Variants in CNTN1 observed in about 807,000 individuals in gnomAD.
The protein encoded by CNTN1 is contactin-1.
A neutral mutation model predicts 126.4 loss-of-function variants in CNTN1; 38 were observed. That is an observed-to-expected ratio of 0.30 (90% CI 0.23 to 0.39). CNTN1 has a LOEUF of 0.39. Among genes scored for constraint, CNTN1 ranks in the 10% least tolerant of loss-of-function variants. The pLI, the probability that CNTN1 is intolerant of heterozygous loss-of-function variation, is 1.00. For missense variants in CNTN1, 1,009 were observed against 1,248.4 expected (o/e 0.81, Z 2.89); for synonymous variants, 413 against 422.6 (o/e 0.98, Z 0.28).
chr12:41,012,993 G>A (rs1948698267), intron 17 of CNTN1, among the ~76,000 whole-genome samples: 1 of 152,134 alleles, frequency 6.6e-6, no homozygotes, highest in Non-Finnish European at 1.5e-5. Context: ...CAGAAGAGAA[G>A]TGAAAGAGAA....
chr12:40,748,008 G>C (rs1018250082), intron 1 of CNTN1, among the ~76,000 whole-genome samples: 3 of 152,126 alleles, frequency 2.0e-5, no homozygotes, highest in Non-Finnish European at 4.4e-5. Context: ...AAAATACGAA[G>C]TTCAGAAGTT....
chr12:40,692,932 C>T (rs1565606728), intron 1 of CNTN1, among the ~76,000 whole-genome samples: 1 of 152,154 alleles, frequency 6.6e-6, no homozygotes, highest in Non-Finnish European at 1.5e-5. Context: ...CATATCGCCT[C>T]GGCAGGGGAG....
At chr12:41,011,519 T>C (rs1344636952) in intron 17 of CNTN1, among the ~76,000 whole-genome samples, 1 of 152,228 alleles carries the variant, frequency 6.6e-6, no homozygotes, top group Non-Finnish European at 1.5e-5. Context: ...TTGTTTTCTC[T>C]CCATGGTTCC....
rs74076917 is a variant in CNTN1 at position 40,972,395 on chromosome 12, T to A, written c.1805-8514T>A. On this transcript the variant is annotated intron_variant, in intron 15 of 23. Transcript: ENST00000551295. ...TTGGTCAAAGAGATGTGCTTAAAAT[T>A]CTTATTCCTTCACAATAAATAATTT... 7.5e-4 allele frequency: 743 copies of A among 984,150 alleles called. 3 individuals are homozygous for A. In the African/African-American group the frequency reaches 0.013, roughly 17 times the overall value. The allele number at this position is 984,150 out of a possible 1,614,324, so 61.0% of individuals were successfully genotyped here. A position where few individuals can be genotyped will look rare whatever the true frequency, so the allele number is the denominator to read the frequency against.
intron 1 of CNTN1, among the ~76,000 whole-genome samples, chr12:40,696,709 C>A (rs1458410564): frequency 6.6e-6 from 1 of 151,940 alleles, no homozygotes; most frequent in Non-Finnish European, 1.5e-5. Context: ...ATATGAATGA[C>A]CAACTGTGTA....
chr12:40,897,757 C>T (rs1013993476), intron 1 of CNTN1, among the ~76,000 whole-genome samples: 5 of 152,166 alleles, frequency 3.3e-5, no homozygotes, highest in South Asian at 4.1e-4. Flanking sequence ...AAGGTAGCCC[C>T]GTAATTTCCC....
intron 1 of CNTN1, among the ~76,000 whole-genome samples, chr12:40,860,964 T>G (rs1943098271): frequency 1.3e-5 from 2 of 152,120 alleles, no homozygotes; most frequent in South Asian, 4.1e-4. Context: ...TTCCATCATC[T>G]TTAACACTCA....
intron 1 of CNTN1, among the ~76,000 whole-genome samples, chr12:40,750,293 G>A (rs1306891032): frequency 6.6e-6 from 1 of 152,042 alleles, no homozygotes; most frequent in Non-Finnish European, 1.5e-5. Context: ...GGCAGGAGGG[G>A]AATATTCTGG....
intron 23 of CNTN1, among the ~76,000 whole-genome samples, chr12:41,067,074 A>T (rs1174578049): frequency 6.6e-6 from 1 of 152,222 alleles, no homozygotes; most frequent in Non-Finnish European, 1.5e-5. Context: ...ATATATATTG[A>T]AAAACTCCTC....
In CNTN1 at chr12:40,821,216, A is replaced by G. The variant is rs75200451; in HGVS notation, c.-76-87141A>G. On this transcript the variant is annotated intron_variant, in intron 1 of 23. Transcript: ENST00000551295. The stretch of plus-strand genomic sequence containing the variant: ...TGTGTTACTAGAGAAGCTAAGTAGG[A>G]TGTAATTTTAAAAGCTCTTCCTTAA... Among the ~76,000 whole-genome samples the G allele has an allele frequency of 9.0e-3, 1,364 of 152,316 alleles. 19 individuals are homozygous for G. Among genetic ancestry groups the G allele is most frequent in the African/African-American group, 0.031 (1,295 of 41,568 alleles).
chr12:40,830,832 T>TAC (rs1555165567), intron 1 of CNTN1, among the ~76,000 whole-genome samples: 4,279 of 88,444 alleles, frequency 0.048, 212 homozygotes, highest in Non-Finnish European at 0.062. Context: ...TATATATATA[T>TAC]ATACTCTTTA....
At chr12:40,802,079 A>T (rs1446232697) in intron 1 of CNTN1, among the ~76,000 whole-genome samples, 1 of 151,962 alleles carries the variant, frequency 6.6e-6, no homozygotes, top group African/African-American at 2.4e-5. Flanking sequence ...CTAGAAAAGG[A>T]AGAACTGAAG....
intron 1 of CNTN1, among the ~76,000 whole-genome samples, chr12:40,809,814 T>TCG (rs1422228531): frequency 6.8e-6 from 1 of 146,744 alleles, no homozygotes. Flanking sequence ...AGACTCTGTC[T>TCG]CACACACACA....
chr12:40,901,013 A>T (rs1252836656), intron 1 of CNTN1, among the ~76,000 whole-genome samples: 1 of 152,206 alleles, frequency 6.6e-6, no homozygotes, highest in African/African-American at 2.4e-5. Context: ...TGACACAGTA[A>T]CCTCAGATAC....
Position 41,053,428 on chromosome 12 carries a change from A to AATATATATATATATATATATAT in CNTN1, c.2981-16512_2981-16491dup, listed in dbSNP as rs66808071. ...TTTTGTCTCTTTCATGTTTTCACTA[A>AATATATATATATATATATATAT]ATATATATATATATATATATATATA... On this transcript the variant is annotated intron_variant, in intron 23 of 23. Transcript: ENST00000551295. Among the ~76,000 whole-genome samples, 55 of 64,102 alleles carry AATATATATATATATATATATAT rather than the reference A, an allele frequency of 8.6e-4. 1 individual carries two copies. Among genetic ancestry groups the AATATATATATATATATATATAT allele is most frequent in the African/African-American group, 1.3e-3 (17 of 13,266 alleles). The allele number at this position is 64,102 out of a possible 152,430, so 42.1% of individuals were successfully genotyped here.
chr12:40,742,379 A>T (rs867600121), intron 1 of CNTN1: 1 of 152,106 alleles, frequency 6.6e-6, no homozygotes. Context: ...CGAAAAGGGA[A>T]GGAGGAAAAT....
intron 1 of CNTN1, among the ~76,000 whole-genome samples, chr12:40,907,813 T>C (rs769260195): frequency 1.3e-5 from 2 of 152,180 alleles, no homozygotes; most frequent in Non-Finnish European, 2.9e-5. Flanking sequence ...ATTGTAACAT[T>C]TAAAATTAGC....
intron 4 of CNTN1, among the ~76,000 whole-genome samples, chr12:40,920,731 C>G (rs1196028744): frequency 6.6e-6 from 1 of 152,110 alleles, no homozygotes; most frequent in Non-Finnish European, 1.5e-5. Flanking sequence ...TACTTTACTT[C>G]TGACTTATAA....
chr12:40,898,705 T>A (rs1944499983), intron 1 of CNTN1, among the ~76,000 whole-genome samples: 1 of 152,202 alleles, frequency 6.6e-6, no homozygotes, highest in South Asian at 2.1e-4. Flanking sequence ...GGACTGTACC[T>A]TCCATGTTGA....
Sources: gnomAD v4.1 joint callset for allele counts (sites outside exome capture counted in the v4.1 genomes callset) on GRCh38, gnomAD v4.1.1 for gene constraint, MANE v1.5 for transcripts, NCBI Gene and HGNC (gene_info 2026-07-23, HGNC 2026-07-21) for gene names.